ARL15: variants seen among roughly 807,000 people sequenced by gnomAD.
ARL15 encodes ARF like GTPase 15.
Under a neutral mutation model 25.2 loss-of-function variants are expected in ARL15, and 19 were observed. That is an observed-to-expected ratio of 0.75 (90% CI 0.53 to 1.10). The LOEUF (loss-of-function observed/expected upper bound fraction) is 1.10, where lower values mean the gene tolerates loss of function less well. Ranked by LOEUF, ARL15 falls within the 50% of genes least tolerant of loss-of-function variation. The pLI is 0.00. For synonymous variants in ARL15, 94 were observed against 86.8 expected, an observed-to-expected ratio of 1.08 and a Z score of -0.46; for missense variants, 220 against 246.0, an observed-to-expected ratio of 0.89 and a Z score of 0.71.
chr5:54,123,072 A>G (rs969604774), intron 3 of ARL15, among the ~76,000 whole-genome samples: 3 of 151,790 alleles, frequency 2.0e-5, no homozygotes, highest in African/African-American at 7.3e-5. Context: ...TATATAGTCT[A>G]AAAGAACTCT....
intron 4 of ARL15, among the ~76,000 whole-genome samples, chr5:54,030,244 A>T (rs1749934266): frequency 6.6e-6 from 1 of 152,168 alleles, no homozygotes; most frequent in South Asian, 2.1e-4. Flanking sequence ...AGCAAAGCCA[A>T]AGCAGCAGTT....
intron 1 of ARL15, among the ~76,000 whole-genome samples, chr5:54,176,887 G>A (rs139379005): frequency 1.9e-3 from 291 of 152,194 alleles, no homozygotes; most frequent in African/African-American, 6.7e-3. Flanking sequence ...CTTAGACAAG[G>A]GCCTGGCCAC....
At chr5:53,935,346 A>G (rs1324993295) in intron 4 of ARL15, among the ~76,000 whole-genome samples, 2 of 152,218 alleles carry the variant, frequency 1.3e-5, no homozygotes, top group African/African-American at 2.4e-5. Flanking sequence ...GGAAGTAGTG[A>G]TAAGTTGTTG....
chr5:54,115,814 T>C (rs1459200484), intron 3 of ARL15, among the ~76,000 whole-genome samples: 1 of 152,020 alleles, frequency 6.6e-6, no homozygotes, highest in African/African-American at 2.4e-5. Flanking sequence ...AAGCCAGAGA[T>C]TATTTAATAT....
chr5:54,292,687 G>GATAAGGCCTTA (rs1171722386), intron 1 of ARL15, among the ~76,000 whole-genome samples: 1 of 152,134 alleles, frequency 6.6e-6, no homozygotes, highest in Admixed American at 6.5e-5. Context: ...TATCTTACAA[G>GATAAGGCCTTA]TCACAAGAGA....
At chr5:53,983,245 C>A (rs369365715) in intron 4 of ARL15, among the ~76,000 whole-genome samples, 2 of 152,088 alleles carry the variant, frequency 1.3e-5, no homozygotes, top group Non-Finnish European at 2.9e-5. Context: ...AACTTGTAAA[C>A]CTGCTTTGAG....
chr5:54,262,123 T>A (rs1010838953), intron 1 of ARL15, among the ~76,000 whole-genome samples: 4 of 152,166 alleles, frequency 2.6e-5, no homozygotes, highest in Non-Finnish European at 5.9e-5. Flanking sequence ...TCTATTTTCC[T>A]AACCTTTCTG....
intron 1 of ARL15, among the ~76,000 whole-genome samples, chr5:54,225,112 G>A (rs1007517007): frequency 6.6e-6 from 1 of 152,170 alleles, no homozygotes; most frequent in Non-Finnish European, 1.5e-5. Context: ...ACAAGTTAAC[G>A]TAATTAAAGC....
At chr5:54,037,544 G>A (rs1046375287) in intron 4 of ARL15, among the ~76,000 whole-genome samples, 11 of 152,066 alleles carry the variant, frequency 7.2e-5, no homozygotes, top group African/African-American at 1.7e-4. Context: ...TTTACGTGAT[G>A]TCTAATGCCT....
At chr5:54,069,094 AT>A (rs1453744777) in intron 4 of ARL15, among the ~76,000 whole-genome samples, 3 of 152,182 alleles carry the variant, frequency 2.0e-5, no homozygotes, top group African/African-American at 7.2e-5. Flanking sequence ...GTGAAAATAT[AT>A]TTTTTTAAAT....
At chr5:54,064,730 T>A (rs1751165348) in intron 4 of ARL15, among the ~76,000 whole-genome samples, 2 of 148,108 alleles carry the variant, frequency 1.4e-5, no homozygotes, top group African/African-American at 5.0e-5. Flanking sequence ...ATCTAGTGAG[T>A]AAAAAAAAAA....
At chr5:54,293,405 A>G (rs996279020) in intron 1 of ARL15, among the ~76,000 whole-genome samples, 1 of 152,226 alleles carries the variant, frequency 6.6e-6, no homozygotes, top group Non-Finnish European at 1.5e-5. Context: ...AAAGTCAAAT[A>G]TAGTAAAATA....
intron 2 of ARL15, among the ~76,000 whole-genome samples, chr5:54,170,978 A>G (rs76331899): frequency 6.6e-6 from 1 of 152,018 alleles, no homozygotes; most frequent in South Asian, 2.1e-4. Context: ...TCTGTTCTCT[A>G]TCTCTTACAG....
At chr5:53,888,373 C>T (rs1744603925) in intron 4 of ARL15, among the ~76,000 whole-genome samples, 1 of 152,014 alleles carries the variant, frequency 6.6e-6, no homozygotes, top group African/African-American at 2.4e-5. Flanking sequence ...CTTGACGTCC[C>T]AGGCTTGGGC....
chr5:54,203,167 A>G (rs1755768851), intron 1 of ARL15, among the ~76,000 whole-genome samples: 1 of 152,026 alleles, frequency 6.6e-6, no homozygotes, highest in Non-Finnish European at 1.5e-5. Flanking sequence ...TACTATACTC[A>G]GCTCCCCACT....
At chr5:53,906,550 C>T (rs986253917) in intron 4 of ARL15, among the ~76,000 whole-genome samples, 26 of 152,212 alleles carry the variant, frequency 1.7e-4, no homozygotes, top group Non-Finnish European at 3.1e-4. Flanking sequence ...TCTTGTTCCC[C>T]TCACTTTCTC....
At chr5:53,948,088 A>C (rs1746809781) in intron 4 of ARL15, among the ~76,000 whole-genome samples, 1 of 152,230 alleles carries the variant, frequency 6.6e-6, no homozygotes, top group African/African-American at 2.4e-5. Context: ...TTAGAAAGAA[A>C]AGAAATAGAA....
At chr5:54,259,523 A>G (rs1757446354) in intron 1 of ARL15, among the ~76,000 whole-genome samples, 1 of 152,196 alleles carries the variant, frequency 6.6e-6, no homozygotes, top group African/African-American at 2.4e-5. Context: ...AGTGACGGCA[A>G]GTGAAAGAAA....
chr5:54,126,032 T>G (rs976646958), intron 3 of ARL15, among the ~76,000 whole-genome samples: 1 of 152,138 alleles, frequency 6.6e-6, no homozygotes, highest in Non-Finnish European at 1.5e-5. Flanking sequence ...TGCAGAGATT[T>G]TTTTTAAAAA....
Sources: allele counts gnomAD v4.1 joint callset (sites outside exome capture counted in the v4.1 genomes callset), GRCh38; gene constraint gnomAD v4.1.1; transcripts MANE v1.5; gene names NCBI Gene and HGNC (gene_info 2026-07-23, HGNC 2026-07-21).